Variants in MOGAT1 observed in about 807,000 individuals in gnomAD.
The protein encoded by MOGAT1 is monoacylglycerol O-acyltransferase 1.
Under a neutral mutation model 31.4 loss-of-function variants are expected in MOGAT1, and 32 were observed. The ratio of observed to expected loss-of-function variants is 1.02; its 90% CI spans 0.77 to 1.37. MOGAT1 has a LOEUF of 1.37. MOGAT1 is among the 40% of genes most tolerant of loss of function. The pLI, the probability that MOGAT1 is intolerant of heterozygous loss-of-function variation, is 0.00. For missense variants in MOGAT1, 426 were observed against 402.0 expected, an observed-to-expected ratio of 1.06 and a Z score of -0.51; for synonymous variants, 145 against 144.5, an observed-to-expected ratio of 1.00 and a Z score of -0.03.
chr2:222,702,287 T>G (rs1462637168), intron 5 of MOGAT1, among the ~76,000 whole-genome samples: 1 of 152,198 alleles, frequency 6.6e-6, no homozygotes, highest in African/African-American at 2.4e-5. Flanking sequence ...GGAAAACAAC[T>G]ATGAACGATA....
At chr2:222,700,246 CT>C (rs971560868) in intron 5 of MOGAT1, among the ~76,000 whole-genome samples, 5 of 152,160 alleles carry the variant, frequency 3.3e-5, no homozygotes, top group Admixed American at 2.6e-4. Context: ...CCTGGTTAAG[CT>C]TTTTTACTTT....
Position 222,709,819 on chromosome 2 carries a change from C to A in MOGAT1, c.937C>A (p.Leu313Ile), listed in dbSNP as rs1057046518. 1.9e-6 allele frequency: 3 copies of A among 1,613,396 alleles called. No homozygotes were observed. Among genetic ancestry groups the A allele is most frequent in the Middle Eastern group, 1.6e-4 (1 of 6,062 alleles). The change falls in exon 6 of 6, where the codon CTT becomes ATT. Residue 313 changes from leucine to isoleucine, a missense_variant. By Grantham distance (5) the Leu-to-Ile change is conservative (BLOSUM62 2). Coordinates refer to ENST00000446656, the MANE Select transcript of MOGAT1 (RefSeq NM_058165.3). ...GTTACATCAGACCTATATGGAGGAA[C>A]TTAGGAAATTGTTTGAGGAACACAA... ...EELHQTYMEE[L>I]RKLFEEHKGK...
rs189586542 is a variant in MOGAT1 at position 222,683,413 on chromosome 2, G to A, written c.95-4931G>A. On this transcript the variant is annotated intron_variant, in intron 1 of 5. Coordinates refer to ENST00000446656, the MANE Select transcript of MOGAT1 (RefSeq NM_058165.3). ...TAAAATCGCTGGTTTTTTATGTTATGTGAATTTCACTTAAATTAAAAAAAA... is the reference window on the plus strand; with the variant it reads ...TAAAATCGCTGGTTTTTTATGTTATATGAATTTCACTTAAATTAAAAAAAA... Among the ~76,000 whole-genome samples, 384 of 144,356 alleles carry A rather than the reference G, an allele frequency of 2.7e-3. 1 individual carries two copies. The highest frequency in any genetic ancestry group is 4.5e-3 in the Non-Finnish European group (299 of 67,008). 94.7% of individuals were successfully genotyped at this position (144,356 alleles called of 152,430 possible).
chr2:222,678,538 C>T (rs1490276115), intron 1 of MOGAT1, among the ~76,000 whole-genome samples: 1 of 152,130 alleles, frequency 6.6e-6, no homozygotes, highest in African/African-American at 2.4e-5. Context: ...ATGGATTATC[C>T]TTTCAATCTC....
chr2:222,681,605 G>A (rs1692582413), intron 1 of MOGAT1, among the ~76,000 whole-genome samples: 1 of 152,130 alleles, frequency 6.6e-6, no homozygotes, highest in Admixed American at 6.6e-5. Flanking sequence ...TTACTAACAT[G>A]ATCAGTCACT....
chr2:222,674,402 T>C (rs1692466006), intron 1 of MOGAT1, among the ~76,000 whole-genome samples: 1 of 152,266 alleles, frequency 6.6e-6, no homozygotes, highest in African/African-American at 2.4e-5. Flanking sequence ...ATTTGCCATA[T>C]ATGTTTTATC....
intron 1 of MOGAT1, among the ~76,000 whole-genome samples, chr2:222,672,924 T>TATTATC (rs1379465680): frequency 3.2e-4 from 47 of 145,774 alleles, no homozygotes; most frequent in African/African-American, 9.6e-4. Flanking sequence ...TTATTATTAT[T>TATTATC]ATCTTTGAGA....
At chr2:222,680,561 T>A (rs1054498992) in intron 1 of MOGAT1, among the ~76,000 whole-genome samples, 8 of 152,184 alleles carry the variant, frequency 5.3e-5, no homozygotes, top group Non-Finnish European at 8.8e-5. Flanking sequence ...GCAAGTTCTC[T>A]TAAAATAGAA....
At chr2:222,675,296 C>T (rs1692479327) in intron 1 of MOGAT1, among the ~76,000 whole-genome samples, 1 of 152,172 alleles carries the variant, frequency 6.6e-6, no homozygotes, top group Non-Finnish European at 1.5e-5. Flanking sequence ...TGTTACATCA[C>T]ATCAGGATGC....
intron 1 of MOGAT1, among the ~76,000 whole-genome samples, chr2:222,677,084 A>G (rs1692508993): frequency 6.6e-6 from 1 of 152,196 alleles, no homozygotes; most frequent in African/African-American, 2.4e-5. Flanking sequence ...GTTGTACTCT[A>G]TTGGGAAGGT....
chr2:222,709,686 TG>T, intron 5 of MOGAT1, 49 bp from the exon 6 acceptor site: 1 of 1,572,386 alleles, frequency 6.4e-7, no homozygotes, highest in Non-Finnish European at 8.7e-7. Flanking sequence ...CGGCGGTCTG[TG>T]GTGGAGTGGT....
chr2:222,690,588 C>T (rs185482162), intron 3 of MOGAT1, among the ~76,000 whole-genome samples: 5 of 152,162 alleles, frequency 3.3e-5, no homozygotes, highest in Non-Finnish European at 7.4e-5. Flanking sequence ...AAGAATTGTT[C>T]ATGGTCCTCT....
At chr2:222,697,111 A>G (rs377412397) in intron 5 of MOGAT1, among the ~76,000 whole-genome samples, 44 of 152,330 alleles carry the variant, frequency 2.9e-4, no homozygotes, top group African/African-American at 9.1e-4. Flanking sequence ...AGAGGATTGG[A>G]GAGCTAAAAT....
At chr2:222,688,082 T>TACTGA (rs1256693781) in intron 1 of MOGAT1, among the ~76,000 whole-genome samples, 5 of 151,986 alleles carry the variant, frequency 3.3e-5, no homozygotes, top group African/African-American at 1.2e-4. Context: ...AAATAAAGAG[T>TACTGA]ACTGTGGCTA....
In MOGAT1 at chr2:222,691,102, C is replaced by T. The variant is rs1200084418; in HGVS notation, c.478+1633C>T. Among the ~76,000 whole-genome samples, 4 of 152,126 alleles carry T rather than the reference C, an allele frequency of 2.6e-5. No homozygotes were observed. In the East Asian group the frequency reaches 5.8e-4, roughly 22 times the overall value. On this transcript the variant is annotated intron_variant, in intron 3 of 5. Coordinates refer to ENST00000446656, the MANE Select transcript of MOGAT1 (RefSeq NM_058165.3). The stretch of plus-strand genomic sequence containing the variant: ...TATACTCCATCTTAGAGTCTTTCTC[C>T]GTATAGTGCCCCTACAGCCACTGCA...
chr2:222,671,972 C>A, intron 1 of MOGAT1, 93 bp downstream of exon 1: 1 of 1,022,920 alleles, frequency 9.8e-7, no homozygotes, highest in Non-Finnish European at 1.5e-6. Context: ...ACCTTCCAAC[C>A]CTCGTTCCCC....
chr2:222,704,438 C>G (rs1326618947), intron 5 of MOGAT1, among the ~76,000 whole-genome samples: 3 of 152,058 alleles, frequency 2.0e-5, no homozygotes, highest in Admixed American at 1.3e-4. Context: ...TCCTGGCTAA[C>G]ACGGTGAAAC....
At chr2:222,706,471 TAAAAA>T (rs11455554) in intron 5 of MOGAT1, among the ~76,000 whole-genome samples, 1 of 139,826 alleles carries the variant, frequency 7.2e-6, no homozygotes, top group Non-Finnish European at 1.5e-5. Flanking sequence ...AAACTCTGTA[TAAAAA>T]AAAAAAAAAA....
chr2:222,676,047 A>C (rs1574968423), intron 1 of MOGAT1, among the ~76,000 whole-genome samples: 1 of 152,272 alleles, frequency 6.6e-6, no homozygotes, highest in South Asian at 2.1e-4. Flanking sequence ...TAGTACTTGG[A>C]ATATATTTTA....
Sources: allele counts gnomAD v4.1 joint callset (sites outside exome capture counted in the v4.1 genomes callset), GRCh38; gene constraint gnomAD v4.1.1; transcripts MANE v1.5; gene names NCBI Gene and HGNC (gene_info 2026-07-23, HGNC 2026-07-21).